Variants in CNOT6L observed in about 807,000 individuals in gnomAD.
CNOT6L encodes CCR4-NOT transcription complex subunit 6-like.
A neutral mutation model predicts 64.0 loss-of-function variants in CNOT6L; 7 were observed. That is an observed-to-expected ratio of 0.11 (90% CI 0.06 to 0.21). The LOEUF (loss-of-function observed/expected upper bound fraction) is 0.21. CNOT6L is among the 10% of genes least tolerant of loss of function. The pLI is 1.00. For synonymous variants in CNOT6L, 193 were observed against 243.4 expected (o/e 0.79, Z 1.93); for missense variants, 245 against 669.0 (o/e 0.37, Z 6.99).
chr4:77,812,683 A>C (rs1356320648), intron 1 of CNOT6L, among the ~76,000 whole-genome samples: 3 of 152,078 alleles, frequency 2.0e-5, no homozygotes, highest in Non-Finnish European at 4.4e-5. Context: ...AAGACGATCT[A>C]AATAAATAGA....
intron 1 of CNOT6L, among the ~76,000 whole-genome samples, chr4:77,794,043 T>C (rs992720995): frequency 7.2e-6 from 1 of 139,812 alleles, no homozygotes; most frequent in African/African-American, 2.6e-5. Flanking sequence ...TCCCAGTTAC[T>C]TGGGAGGGTG....
intron 1 of CNOT6L, among the ~76,000 whole-genome samples, chr4:77,808,152 C>G (rs1174304217): frequency 6.6e-6 from 1 of 152,116 alleles, no homozygotes; most frequent in African/African-American, 2.4e-5. Context: ...ATATTTACAT[C>G]TGTCCCTTCA....
chr4:77,745,005 G>T, intron 6 of CNOT6L, 130 bp from the exon 7 acceptor site: 2 of 592,218 alleles, frequency 3.4e-6, no homozygotes, highest in Non-Finnish European at 5.3e-6. Context: ...AAATGCCTAG[G>T]CAAGATAAAG....
intron 1 of CNOT6L, among the ~76,000 whole-genome samples, chr4:77,809,962 C>A (rs548985062): frequency 2.4e-4 from 36 of 152,168 alleles, no homozygotes; most frequent in African/African-American, 8.4e-4. Flanking sequence ...CTATTCAGTA[C>A]AAATGACGAG....
At chr4:77,746,777 C>A (rs1724244947) in intron 6 of CNOT6L, among the ~76,000 whole-genome samples, 1 of 152,126 alleles carries the variant, frequency 6.6e-6, no homozygotes, top group Non-Finnish European at 1.5e-5. Context: ...TAAAATAAAT[C>A]TATCTAGCTT....
intron 1 of CNOT6L, among the ~76,000 whole-genome samples, chr4:77,779,063 C>CAAAAAAAAAA (rs879638003): frequency 2.8e-5 from 2 of 71,266 alleles, no homozygotes; most frequent in Non-Finnish European, 5.4e-5. Context: ...AAAAAAAAAA[C>CAAAAAAAAAA]AAAAAAAAAA....
chr4:77,775,642 A>G (rs1728062911), intron 2 of CNOT6L, among the ~76,000 whole-genome samples: 1 of 152,200 alleles, frequency 6.6e-6, no homozygotes, highest in African/African-American at 2.4e-5. Context: ...TCCAGATTCA[A>G]CGCAGGCTAC....
intron 1 of CNOT6L, among the ~76,000 whole-genome samples, chr4:77,807,503 A>T: frequency 6.6e-6 from 1 of 152,204 alleles, no homozygotes. Context: ...GAAAAAGTTC[A>T]TAAAGCAAGG....
chr4:77,763,090 A>G (rs193130039), intron 4 of CNOT6L, among the ~76,000 whole-genome samples: 6 of 152,298 alleles, frequency 3.9e-5, no homozygotes, highest in Admixed American at 3.3e-4. Context: ...AAAATATGGG[A>G]AAAACCTACT....
intron 11 of CNOT6L, among the ~76,000 whole-genome samples, chr4:77,723,812 T>C (rs1450504895): frequency 6.6e-6 from 1 of 152,238 alleles, no homozygotes; most frequent in African/African-American, 2.4e-5. Flanking sequence ...AATGGCTCAA[T>C]AGGATTTTTG....
intron 1 of CNOT6L, among the ~76,000 whole-genome samples, chr4:77,801,164 T>C (rs777084723): frequency 2.0e-5 from 3 of 152,150 alleles, no homozygotes; most frequent in Non-Finnish European, 4.4e-5. Context: ...ACTCTGACCC[T>C]ACGTGAAAGC....
chr4:77,751,388 A>G (rs757722996), intron 5 of CNOT6L, among the ~76,000 whole-genome samples: 5 of 152,068 alleles, frequency 3.3e-5, no homozygotes, highest in Non-Finnish European at 7.4e-5. Context: ...GCCTGAAAAA[A>G]CCTGTGGAAC....
chr4:77,730,821 G>C (rs1213383825), intron 9 of CNOT6L, among the ~76,000 whole-genome samples: 1 of 152,018 alleles, frequency 6.6e-6, no homozygotes. Context: ...ACAGTGAGAT[G>C]CTCAAAGGCA....
At chr4:77,785,209 T>A (rs941219225) in intron 1 of CNOT6L, among the ~76,000 whole-genome samples, 2 of 152,164 alleles carry the variant, frequency 1.3e-5, no homozygotes, top group African/African-American at 4.8e-5. Flanking sequence ...GCTAGAACAA[T>A]GGTATATCCA....
At chr4:77,806,725 GAT>G (rs1163954454) in intron 1 of CNOT6L, among the ~76,000 whole-genome samples, 4 of 152,040 alleles carry the variant, frequency 2.6e-5, no homozygotes, top group Non-Finnish European at 5.9e-5. Flanking sequence ...TCCTTACCAA[GAT>G]ATTCAAGCCC....
intron 1 of CNOT6L, chr4:77,818,852 G>C (rs1265370230): frequency 4.2e-6 from 1 of 240,866 alleles, no homozygotes; most frequent in Non-Finnish European, 8.2e-6. Flanking sequence ...TGCCGCGGCC[G>C]GGGAACGGCG....
At chr4:77,734,432 A>T (rs910512148) in intron 8 of CNOT6L, among the ~76,000 whole-genome samples, 1 of 152,174 alleles carries the variant, frequency 6.6e-6, no homozygotes, top group Non-Finnish European at 1.5e-5. Context: ...TATTCTTCCA[A>T]ATCAATTTTG....
chr4:77,769,284 C>A (rs1274302030), intron 4 of CNOT6L, among the ~76,000 whole-genome samples: 1 of 152,030 alleles, frequency 6.6e-6, no homozygotes, highest in South Asian at 2.1e-4. Flanking sequence ...AAGACATAAT[C>A]GTGAAAGAAA....
At chr4:77,808,011 G>T (rs1466217059) in intron 1 of CNOT6L, among the ~76,000 whole-genome samples, 1 of 151,976 alleles carries the variant, frequency 6.6e-6, no homozygotes, top group African/African-American at 2.4e-5. Flanking sequence ...TGGCAGCAAA[G>T]AATGGTTTTT....
Sources: allele counts gnomAD v4.1 joint callset (sites outside exome capture counted in the v4.1 genomes callset), GRCh38; gene constraint gnomAD v4.1.1; transcripts MANE v1.5; gene names NCBI Gene and HGNC (gene_info 2026-07-23, HGNC 2026-07-21).